The following KCNIP3 variants were observed in gnomAD, a reference collection of about 807,000 sequenced individuals.
KCNIP3 encodes the protein potassium voltage-gated channel interacting protein 3.
Under a neutral mutation model 35.0 loss-of-function variants are expected in KCNIP3, and 28 were observed. The ratio of observed to expected loss-of-function variants is 0.80; its 90% CI spans 0.59 to 1.10. The LOEUF (loss-of-function observed/expected upper bound fraction) is 1.10. KCNIP3 is among the 50% of genes least tolerant of loss of function. KCNIP3 has a pLI of 0.00. For missense variants in KCNIP3, 295 were observed against 338.4 expected, an observed-to-expected ratio of 0.87 and a Z score of 1.01; for synonymous variants, 134 against 133.8, an observed-to-expected ratio of 1.00 and a Z score of -0.01.
intron 2 of KCNIP3, among the ~76,000 whole-genome samples, chr2:95,339,072 G>A (rs1013007772): frequency 6.6e-6 from 1 of 152,190 alleles, no homozygotes; most frequent in Non-Finnish European, 1.5e-5. Flanking sequence ...TTGCTATCTT[G>A]ACTCAGCGGG....
At chr2:95,375,444 C>T (rs1680161222) in intron 5 of KCNIP3, among the ~76,000 whole-genome samples, 1 of 152,036 alleles carries the variant, frequency 6.6e-6, no homozygotes. Context: ...TGAGAGTTTG[C>T]ATCCAGCTCT....
At chr2:95,359,403 C>T (rs1264306123) in intron 2 of KCNIP3, among the ~76,000 whole-genome samples, 6 of 152,200 alleles carry the variant, frequency 3.9e-5, no homozygotes, top group African/African-American at 1.4e-4. Context: ...CCAAAACCAA[C>T]CATGAAGAGC....
At chr2:95,330,415 G>A (rs900987764) in intron 2 of KCNIP3, among the ~76,000 whole-genome samples, 5 of 152,210 alleles carry the variant, frequency 3.3e-5, no homozygotes, top group African/African-American at 4.8e-5. Flanking sequence ...AGGGGACTGC[G>A]TTGTGTCCCA....
intron 2 of KCNIP3, among the ~76,000 whole-genome samples, chr2:95,373,921 T>TTCAAG: frequency 6.6e-6 from 1 of 152,224 alleles, no homozygotes. Flanking sequence ...GGTCTAGGAA[T>TTCAAG]TGGATACTGA....
intron 2 of KCNIP3, among the ~76,000 whole-genome samples, chr2:95,354,057 G>A (rs1679593464): frequency 6.6e-6 from 1 of 152,180 alleles, no homozygotes; most frequent in Admixed American, 6.5e-5. Context: ...GACTGGGAGT[G>A]CCACTTCACG....
At position 95,344,502 on chromosome 2, in the gene KCNIP3, C is replaced by A. The variant is rs186163721; in HGVS notation, c.182-29794C>A. On this transcript the variant is annotated intron_variant, in intron 2 of 8. Coordinates refer to ENST00000295225, the MANE Select transcript of KCNIP3 (RefSeq NM_013434.5). ...ACTTAGGCGTTGTTAATATTTTACACGGCACAGCCAGAGGATCGATGTCTT... is the reference window on the plus strand; with the variant it reads ...ACTTAGGCGTTGTTAATATTTTACAAGGCACAGCCAGAGGATCGATGTCTT... 1.6e-4 allele frequency among the ~76,000 whole-genome samples: 25 copies of A among 152,334 alleles called. No homozygotes were observed. In the East Asian group the frequency reaches 4.4e-3, roughly 27 times the overall value.
chr2:95,316,924 C>T (rs1162536114), intron 2 of KCNIP3, among the ~76,000 whole-genome samples: 1 of 152,180 alleles, frequency 6.6e-6, no homozygotes, highest in Non-Finnish European at 1.5e-5. Flanking sequence ...GCTGTTATCG[C>T]CTTTATTTAT....
intron 2 of KCNIP3, chr2:95,310,762 A>G (rs1678293019): frequency 1.9e-6 from 1 of 533,624 alleles, no homozygotes; most frequent in South Asian, 2.0e-5. Context: ...CTGGGACCAC[A>G]CTGCGGTTTT....
chr2:95,331,600 C>T (rs1259668244), intron 2 of KCNIP3, among the ~76,000 whole-genome samples: 5 of 152,204 alleles, frequency 3.3e-5, no homozygotes, highest in Admixed American at 6.5e-5. Context: ...CCGCTGCCTG[C>T]GCCCATCCTC....
At chr2:95,314,668 G>A (rs1678407687) in intron 2 of KCNIP3, among the ~76,000 whole-genome samples, 2 of 152,254 alleles carry the variant, frequency 1.3e-5, no homozygotes, top group African/African-American at 4.8e-5. Flanking sequence ...TGGTCTGAGT[G>A]GTGTGAGGGG....
chr2:95,369,325 A>G (rs994566707), intron 2 of KCNIP3, among the ~76,000 whole-genome samples: 1 of 152,154 alleles, frequency 6.6e-6, no homozygotes, highest in Non-Finnish European at 1.5e-5. Context: ...GGTGTGGTGT[A>G]TTATTCTTTT....
chr2:95,383,882 A>G (rs1573526035), intron 8 of KCNIP3, 120 bp from the exon 9 acceptor site: 6 of 872,506 alleles, frequency 6.9e-6, no homozygotes, highest in Non-Finnish European at 1.2e-5. Context: ...CCCTGCACCC[A>G]ATAAGACAGA....
intron 2 of KCNIP3, among the ~76,000 whole-genome samples, chr2:95,324,657 A>G (rs549538849): frequency 1.2e-4 from 18 of 152,254 alleles, no homozygotes; most frequent in Admixed American, 1.2e-3. Flanking sequence ...TCACGCCTGT[A>G]ATCCCAGCAC....
intron 2 of KCNIP3, chr2:95,312,715 A>C (rs1222011812): frequency 6.6e-6 from 1 of 152,076 alleles, no homozygotes; most frequent in East Asian, 1.9e-4. Context: ...GACTCAGCAG[A>C]TGGCACAAGA....
intron 6 of KCNIP3, among the ~76,000 whole-genome samples, 168 bp downstream of exon 6, chr2:95,381,871 G>A (rs982831946): frequency 1.3e-5 from 2 of 152,122 alleles, no homozygotes; most frequent in African/African-American, 4.8e-5. Context: ...TCCTGGGCTC[G>A]GTCCTGGACA....
rs1680218300 is a variant in KCNIP3 at position 95,377,046 on chromosome 2, A to T, written c.447+1838A>T. Among the ~76,000 whole-genome samples the T allele has an allele frequency of 6.6e-6, 1 of 152,216 alleles. No homozygotes were observed. The highest frequency in any genetic ancestry group is 6.5e-5 in the Admixed American group (1 of 15,284). ...TCAACAGAGCCAAGCGGGCGATGCC[A>T]TCCCCACACCCCACCTTGGAGTGGC... On this transcript the variant is annotated intron_variant, in intron 5 of 8. Coordinates refer to ENST00000295225, the MANE Select transcript of KCNIP3 (RefSeq NM_013434.5). The surrounding 1 kb of genome is among the most constrained non-coding windows in gnomAD (Gnocchi z 4.7).
chr2:95,383,220 C>T lies in KCNIP3; in HGVS notation c.661-12C>T. 5 of 1,530,746 alleles carry T rather than the reference C, an allele frequency of 3.3e-6. No individual in the cohort carries two copies. The highest frequency in any genetic ancestry group is 4.4e-6 in the Non-Finnish European group (5 of 1,127,380). 94.8% of individuals were successfully genotyped at this position (1,530,746 alleles called of 1,614,324 possible). On this transcript the variant is annotated splice_polypyrimidine_tract_variant and intron_variant, in intron 7 of 8. Coordinates refer to ENST00000295225, the MANE Select transcript of KCNIP3 (RefSeq NM_013434.5). ...GGGCACAGACTCACTTTGGGCATGG[C>T]TTGGGTTGCAGAAAATGGACCGGAA... is the stretch of plus-strand genomic sequence containing the variant.
chr2:95,383,232 A>T lies in KCNIP3; in HGVS notation c.661A>T (p.Lys221Ter). ...PAEHVERFFE[K>*]MDRNQDGVVT... ...ACTTTGGGCATGGCTTGGGTTGCAG[A>T]AAATGGACCGGAACCAGGATGGGGT... The change falls in exon 8 of 9, where the codon AAA becomes TAA. Residue 221 changes from lysine to a stop codon, truncating the protein, a stop_gained and splice_region_variant. Coordinates refer to ENST00000295225, the MANE Select transcript of KCNIP3 (RefSeq NM_013434.5). LOFTEE classifies it high-confidence loss of function. The T allele has an allele frequency of 1.2e-6, 2 of 1,613,338 alleles. No individual in the cohort carries two copies. Among genetic ancestry groups the T allele is most frequent in the South Asian group, 1.1e-5 (1 of 91,000 alleles).
intron 2 of KCNIP3, among the ~76,000 whole-genome samples, chr2:95,345,922 C>G (rs1434560188): frequency 1.3e-5 from 2 of 152,262 alleles, no homozygotes; most frequent in African/African-American, 4.8e-5. Context: ...CCGCTTAGCT[C>G]TTCCCCGCCG....
Sources: allele counts gnomAD v4.1 joint callset (sites outside exome capture counted in the v4.1 genomes callset), GRCh38; gene constraint gnomAD v4.1.1; non-coding constraint Gnocchi (gnomAD v3.1); transcripts MANE v1.5; gene names NCBI Gene and HGNC (gene_info 2026-07-23, HGNC 2026-07-21).